GTF2E1: variants seen among roughly 807,000 people sequenced by gnomAD.
GTF2E1 encodes general transcription factor IIE subunit 1.
A neutral mutation model predicts 34.9 loss-of-function variants in GTF2E1; 14 were observed. The observed-to-expected ratio is 0.40, with a 90% CI of 0.27 to 0.63. GTF2E1 has a LOEUF of 0.63. Ranked by LOEUF, GTF2E1 falls within the 20% of genes least tolerant of loss-of-function variation. The pLI is 0.39. For synonymous variants in GTF2E1, 188 were observed against 192.9 expected, an observed-to-expected ratio of 0.97 and a Z score of 0.21; for missense variants, 469 against 557.7, an observed-to-expected ratio of 0.84 and a Z score of 1.60.
rs74335002 is a variant in GTF2E1 at position 120,742,751 on chromosome 3, G to T, written c.-74G>T. Reference sequence around the variant, plus strand: ...TGGTTCATTTAAGCCGGTAGTTGAAGCGCTGGGGGCAGCTGTAGTGGGAGT... The same window carrying T: ...TGGTTCATTTAAGCCGGTAGTTGAATCGCTGGGGGCAGCTGTAGTGGGAGT... On this transcript the variant is annotated 5_prime_UTR_variant, in exon 1 of 5. Transcript: ENST00000283875. 1,204 of 557,868 alleles carry T rather than the reference G, an allele frequency of 2.2e-3. 13 individuals are homozygous for T. Among genetic ancestry groups the T allele is most frequent in the African/African-American group, 0.021 (1,096 of 53,012 alleles). The allele number at this position is 557,868 out of a possible 1,614,324, so 34.6% of individuals were successfully genotyped here.
chr3:120,770,686 TA>T (rs745806470), intron 2 of GTF2E1, 41 bp from the exon 3 acceptor site: 1 of 1,433,652 alleles, frequency 7.0e-7, no homozygotes, highest in South Asian at 1.1e-5. Context: ...AACTATCTGC[TA>T]AAGTCTTCTC....
At chr3:120,756,904 C>T (rs747857212) in intron 2 of GTF2E1, among the ~76,000 whole-genome samples, 16 of 152,010 alleles carry the variant, frequency 1.1e-4, no homozygotes, top group Middle Eastern at 3.4e-3. Context: ...CCAGTCTGGG[C>T]GACAGAGTGA....
At chr3:120,780,231 C>T (rs748933314) in intron 4 of GTF2E1, among the ~76,000 whole-genome samples, 2 of 151,930 alleles carry the variant, frequency 1.3e-5, no homozygotes, top group African/African-American at 2.4e-5. Flanking sequence ...TGTGGTAGAA[C>T]CTACATCCTT....
intron 3 of GTF2E1, among the ~76,000 whole-genome samples, chr3:120,775,050 A>G (rs1576363062): frequency 6.6e-6 from 1 of 152,280 alleles, no homozygotes; most frequent in East Asian, 1.9e-4. Flanking sequence ...AGTGTAATTT[A>G]GGGAAAGATG....
At chr3:120,763,365 A>G (rs963276481) in intron 2 of GTF2E1, among the ~76,000 whole-genome samples, 3 of 152,200 alleles carry the variant, frequency 2.0e-5, no homozygotes, top group African/African-American at 4.8e-5. Flanking sequence ...ATAAGTTCAC[A>G]TTTAAGGAAG....
rs542518989 is a variant in GTF2E1, at chr3:120,761,734, G to A, written c.449-8994G>A. 1.4e-4 allele frequency among the ~76,000 whole-genome samples: 21 copies of A among 151,026 alleles called. No individual in the cohort carries two copies. The South Asian group carries it at 2.1e-3, about 15-fold the overall frequency. On this transcript the variant is annotated intron_variant, in intron 2 of 4. Coordinates refer to ENST00000283875, the MANE Select transcript of GTF2E1 (RefSeq NM_005513.3). ...GTTTCCATGTAGTTGTGCGTTTTGA[G>A]TGAGTTTCTTAATCCTGAGTTCTAA...
intron 4 of GTF2E1, among the ~76,000 whole-genome samples, chr3:120,778,813 C>T (rs1709422472): frequency 6.6e-6 from 1 of 152,182 alleles, no homozygotes; most frequent in South Asian, 2.1e-4. Context: ...TGCCTTGAAT[C>T]CAATAGCTTG....
chr3:120,755,468 T>G (rs1709200292), intron 2 of GTF2E1, among the ~76,000 whole-genome samples: 1 of 152,176 alleles, frequency 6.6e-6, no homozygotes, highest in Non-Finnish European at 1.5e-5. Context: ...AGGAGATATC[T>G]TTAAAAATTT....
intron 4 of GTF2E1, among the ~76,000 whole-genome samples, chr3:120,778,211 A>C (rs1436295865): frequency 6.6e-6 from 1 of 152,256 alleles, no homozygotes; most frequent in Non-Finnish European, 1.5e-5. Flanking sequence ...TTAAGCTCAT[A>C]AGTTTAACAT....
At position 120,772,897 on chromosome 3, in the gene GTF2E1, A is replaced by G. The variant is rs528313845; in HGVS notation, c.650+1968A>G. Reference sequence around the variant, plus strand: ...TCACTGCAGGCCTTGGATGAGTCTTAGTGGTACAGTGACACCAGAGGCCCA... The same window carrying G: ...TCACTGCAGGCCTTGGATGAGTCTTGGTGGTACAGTGACACCAGAGGCCCA... On this transcript the variant is annotated intron_variant, in intron 3 of 4. Coordinates refer to ENST00000283875, the MANE Select transcript of GTF2E1 (RefSeq NM_005513.3). 9.9e-5 allele frequency among the ~76,000 whole-genome samples: 15 copies of G among 152,230 alleles called. No individual in the cohort carries two copies. The East Asian group carries it at 2.9e-3, about 29-fold the overall frequency.
At chr3:120,757,710 C>T (rs1576357980) in intron 2 of GTF2E1, among the ~76,000 whole-genome samples, 1 of 152,034 alleles carries the variant, frequency 6.6e-6, no homozygotes, top group Non-Finnish European at 1.5e-5. Context: ...AGATATTCCC[C>T]CGAACATTAT....
At chr3:120,775,313 G>A (rs1359973580) in intron 3 of GTF2E1, among the ~76,000 whole-genome samples, 1 of 152,064 alleles carries the variant, frequency 6.6e-6, no homozygotes, top group Non-Finnish European at 1.5e-5. Flanking sequence ...AAAAACGGAC[G>A]AAAAATAAAG....
At chr3:120,764,056 T>G (rs1179647230) in intron 2 of GTF2E1, among the ~76,000 whole-genome samples, 2 of 152,210 alleles carry the variant, frequency 1.3e-5, no homozygotes. Context: ...GCATGCTATT[T>G]TCCCTTGTCC....
intron 3 of GTF2E1, among the ~76,000 whole-genome samples, chr3:120,773,037 A>C (rs1012061495): frequency 2.0e-5 from 3 of 152,142 alleles, no homozygotes; most frequent in Non-Finnish European, 2.9e-5. Context: ...AAGGATACCC[A>C]AAAATCTGGT....
chr3:120,762,718 CT>C (rs1483202698), intron 2 of GTF2E1, among the ~76,000 whole-genome samples: 1 of 152,138 alleles, frequency 6.6e-6, no homozygotes, highest in Non-Finnish European at 1.5e-5. Context: ...AGAGCCCTGG[CT>C]TTTAGTCTTA....
At chr3:120,760,776 G>T (rs557446232) in intron 2 of GTF2E1, among the ~76,000 whole-genome samples, 2 of 152,100 alleles carry the variant, frequency 1.3e-5, no homozygotes, top group Non-Finnish European at 2.9e-5. Flanking sequence ...CGATGAAGCC[G>T]ACTTGATCTT....
chr3:120,745,035 G>A (rs992922118), intron 1 of GTF2E1, among the ~76,000 whole-genome samples: 1 of 151,844 alleles, frequency 6.6e-6, no homozygotes, highest in Non-Finnish European at 1.5e-5. Flanking sequence ...CACCTCAGCT[G>A]GTACTACAGG....
rs934023793 is a variant in GTF2E1, at chr3:120,781,577, A to G, written c.*107A>G. 2.2e-5 allele frequency: 18 copies of G among 810,638 alleles called. No homozygotes were observed. In the African/African-American group the frequency reaches 2.4e-4, roughly 11 times the overall value. 50.2% of individuals were successfully genotyped at this position (810,638 alleles called of 1,614,324 possible). ...CTTTCTGCCCCTCTTGATGTAAGCA[A>G]CTGTCCATCCTTGTGCAAAGATTGA... On this transcript the variant is annotated 3_prime_UTR_variant, in exon 5 of 5. Transcript: ENST00000283875.
intron 2 of GTF2E1, among the ~76,000 whole-genome samples, chr3:120,766,185 G>A (rs950301341): frequency 6.6e-6 from 1 of 151,998 alleles, no homozygotes; most frequent in Non-Finnish European, 1.5e-5. Context: ...CTAATTCCTG[G>A]GCCCCATTCT....
Sources: gnomAD v4.1 joint callset for allele counts (sites outside exome capture counted in the v4.1 genomes callset) on GRCh38, gnomAD v4.1.1 for gene constraint, MANE v1.5 for transcripts, NCBI Gene and HGNC (gene_info 2026-07-23, HGNC 2026-07-21) for gene names.